Variants in TXNDC11 observed in about 807,000 individuals in gnomAD.
TXNDC11 encodes the protein thioredoxin domain containing 11.
A neutral mutation model predicts 78.0 loss-of-function variants in TXNDC11; 68 were observed. That is an observed-to-expected ratio of 0.87 (90% CI 0.72 to 1.07). The LOEUF is 1.07. Ranked by LOEUF, TXNDC11 falls within the 50% of genes least tolerant of loss-of-function variation. TXNDC11 has a pLI of 0.00. For missense variants in TXNDC11, 1,389 were observed against 1,221.8 expected, an observed-to-expected ratio of 1.14 and a Z score of -2.04; for synonymous variants, 571 against 495.2, an observed-to-expected ratio of 1.15 and a Z score of -2.03.
intron 5 of TXNDC11, among the ~76,000 whole-genome samples, chr16:11,720,281 C>T (rs1034591281): frequency 3.9e-5 from 6 of 152,246 alleles, no homozygotes; most frequent in South Asian, 4.1e-4. Context: ...ATGTGACATG[C>T]GTTTTATACC....
At chr16:11,703,426 T>C (rs1367032122) in intron 5 of TXNDC11, among the ~76,000 whole-genome samples, 1 of 152,058 alleles carries the variant, frequency 6.6e-6, no homozygotes, top group East Asian at 1.9e-4. Flanking sequence ...TAAGAAGTTA[T>C]ATATTAATAA....
chr16:11,717,648 C>G (rs374549165), intron 5 of TXNDC11, among the ~76,000 whole-genome samples: 5 of 150,042 alleles, frequency 3.3e-5, no homozygotes, highest in African/African-American at 1.3e-4. Context: ...GGTGAAACCC[C>G]GTCTCTACTA....
intron 1 of TXNDC11, among the ~76,000 whole-genome samples, chr16:11,741,054 A>G (rs1243065086): frequency 6.6e-6 from 1 of 152,152 alleles, no homozygotes; most frequent in Non-Finnish European, 1.5e-5. Context: ...TAGTCAGGGC[A>G]GCCCCCACAA....
At chr16:11,699,691 G>A (rs985062943) in intron 6 of TXNDC11, among the ~76,000 whole-genome samples, 1 of 152,272 alleles carries the variant, frequency 6.6e-6, no homozygotes. Context: ...GAAGGCACAA[G>A]ACTTAGACAT....
intron 5 of TXNDC11, among the ~76,000 whole-genome samples, chr16:11,717,165 C>G (rs1165141533): frequency 6.6e-6 from 1 of 150,458 alleles, no homozygotes; most frequent in Non-Finnish European, 1.5e-5. Context: ...GTGGCTTATG[C>G]CTGTAATCCC....
intron 5 of TXNDC11, among the ~76,000 whole-genome samples, chr16:11,702,357 A>T (rs2051056473): frequency 6.6e-6 from 1 of 152,184 alleles, no homozygotes; most frequent in Admixed American, 6.6e-5. Flanking sequence ...TTATTAGCAC[A>T]TGCTAAATAA....
intron 5 of TXNDC11, among the ~76,000 whole-genome samples, chr16:11,714,983 G>A (rs912814363): frequency 2.0e-5 from 3 of 152,204 alleles, no homozygotes; most frequent in Non-Finnish European, 4.4e-5. Flanking sequence ...GGGCGTGGTG[G>A]CTCACGCCTG....
chr16:11,698,130 C>A lies in TXNDC11; in HGVS notation c.1102G>T (p.Asp368Tyr). ...NPLAESHPLI[D>Y]EITEVALEYN... ...TTTCACATCACAGCTCTTACCTCGT[C>A]TATTAAAGGATGACTTTCGGCCAGG... Residue 368 changes from aspartate (D) to tyrosine (Y), a missense_variant, in exon 7 of 12, where the codon GAC (aspartate) becomes TAC (tyrosine). Physicochemically the swap from Asp to Tyr is radical, Grantham distance 160 (BLOSUM62 -3). Transcript: ENST00000283033. 1 of 1,614,220 alleles carries A rather than the reference C, an allele frequency of 6.2e-7. No homozygotes were observed. Among genetic ancestry groups the A allele is most frequent in the Non-Finnish European group, 8.5e-7 (1 of 1,180,022 alleles).
intron 2 of TXNDC11, among the ~76,000 whole-genome samples, chr16:11,735,427 G>C (rs2052191162): frequency 6.6e-6 from 1 of 152,086 alleles, no homozygotes; most frequent in African/African-American, 2.4e-5. Context: ...TACATGTATA[G>C]GAAAACTTTA....
chr16:11,685,191 C>G (rs1017633832), intron 10 of TXNDC11, among the ~76,000 whole-genome samples: 1 of 152,140 alleles, frequency 6.6e-6, no homozygotes, highest in Admixed American at 6.5e-5. Context: ...TGGGGAAACC[C>G]TGTCTCTACA....
At chr16:11,703,726 C>T in intron 5 of TXNDC11, 1 of 701,850 alleles carries the variant, frequency 1.4e-6, no homozygotes, top group Non-Finnish European at 2.6e-6. Flanking sequence ...AACCAGGGCC[C>T]TTGGAGAAGA....
chr16:11,707,435 G>A (rs1302047974), intron 5 of TXNDC11, among the ~76,000 whole-genome samples: 2 of 142,142 alleles, frequency 1.4e-5, no homozygotes, highest in African/African-American at 5.2e-5. Context: ...AATTTCACCT[G>A]TTTCTTTTAT....
At chr16:11,707,908 C>A (rs1324514132) in intron 5 of TXNDC11, among the ~76,000 whole-genome samples, 2 of 151,586 alleles carry the variant, frequency 1.3e-5, no homozygotes, top group Non-Finnish European at 2.9e-5. Flanking sequence ...GAGAGTGAGA[C>A]CCTAGCTCTA....
rs896975893 is a variant in TXNDC11 at position 11,727,175 on chromosome 16, G to A, written c.699+3470C>T. Among the ~76,000 whole-genome samples, 37 of 152,090 alleles carry A rather than the reference G, an allele frequency of 2.4e-4. 1 individual carries two copies. Among genetic ancestry groups the A allele is most frequent in the African/African-American group, 8.7e-4 (36 of 41,510 alleles). ...AATGCTCACAAATATCTAGATTAGA[G>A]ACAAATTTATAATTAATCAATTTTT... is the stretch of plus-strand genomic sequence containing the variant. On this transcript the variant is annotated intron_variant, in intron 4 of 11. Transcript: ENST00000283033.
intron 5 of TXNDC11, among the ~76,000 whole-genome samples, chr16:11,713,667 T>A (rs1223980762): frequency 6.6e-6 from 1 of 152,154 alleles, no homozygotes; most frequent in African/African-American, 2.4e-5. Context: ...CCATGCGCCT[T>A]GGCCTCCCAA....
chr16:11,686,890 T>TGGGC (rs1425637907), intron 10 of TXNDC11, among the ~76,000 whole-genome samples: 1 of 152,240 alleles, frequency 6.6e-6, no homozygotes, highest in Non-Finnish European at 1.5e-5. Context: ...CGAATCTTTC[T>TGGGC]ATGTCTCAGT....
At chr16:11,722,102 A>ATC (rs1272596354) in intron 4 of TXNDC11, among the ~76,000 whole-genome samples, 2 of 152,142 alleles carry the variant, frequency 1.3e-5, no homozygotes, top group Admixed American at 6.6e-5. Flanking sequence ...TTCTTCTTGA[A>ATC]TCTCTCTCTC....
rs149692138 is a variant in TXNDC11, at chr16:11,702,665, G to A, written c.794-2101C>T. Among the ~76,000 whole-genome samples the A allele has an allele frequency of 1.5e-3, 228 of 152,312 alleles. 1 individual carries two copies. Among genetic ancestry groups the A allele is most frequent in the African/African-American group, 5.2e-3 (218 of 41,554 alleles). On this transcript the variant is annotated intron_variant, in intron 5 of 11. Transcript: ENST00000283033. ...TGCACTCTAGCCTGGGCAACAGAGTGAGACTCTGCCTCCAAAGTAAATAAA... is the reference window on the plus strand; with the variant it reads ...TGCACTCTAGCCTGGGCAACAGAGTAAGACTCTGCCTCCAAAGTAAATAAA...
At chr16:11,722,066 T>A (rs2051723520) in intron 4 of TXNDC11, among the ~76,000 whole-genome samples, 1 of 152,188 alleles carries the variant, frequency 6.6e-6, no homozygotes, top group Non-Finnish European at 1.5e-5. Flanking sequence ...GCAATGGCAA[T>A]AATTTTCTTT....
Sources: gnomAD v4.1 joint callset for allele counts (sites outside exome capture counted in the v4.1 genomes callset) on GRCh38, gnomAD v4.1.1 for gene constraint, MANE v1.5 for transcripts, NCBI Gene and HGNC (gene_info 2026-07-23, HGNC 2026-07-21) for gene names.